CDC42BPA: variants seen among roughly 807,000 people sequenced by gnomAD.
CDC42BPA encodes the protein CDC42 binding protein kinase alpha.
In CDC42BPA, 80 loss-of-function variants were observed where a neutral mutation model predicts 223.5. The observed-to-expected ratio is 0.36, with a 90% CI of 0.30 to 0.43. CDC42BPA has a LOEUF of 0.43. CDC42BPA is among the 20% of genes least tolerant of loss of function. The pLI is 1.00. For synonymous variants in CDC42BPA, 694 were observed against 718.6 expected, an observed-to-expected ratio of 0.97 and a Z score of 0.55; for missense variants, 1,743 against 2,099.9, an observed-to-expected ratio of 0.83 and a Z score of 3.32.
chr1:227,054,597 T>C (rs1674194830), intron 21 of CDC42BPA, among the ~76,000 whole-genome samples: 1 of 152,084 alleles, frequency 6.6e-6, no homozygotes, highest in African/African-American at 2.4e-5. Flanking sequence ...AAAGGAAAAA[T>C]ACACTATCAA....
At chr1:227,104,992 A>G (rs1444513491) in intron 14 of CDC42BPA, among the ~76,000 whole-genome samples, 1 of 152,196 alleles carries the variant, frequency 6.6e-6, no homozygotes, top group South Asian at 2.1e-4. Flanking sequence ...ACATCACAGC[A>G]TCATATATAA....
chr1:227,288,001 C>T (rs556597364), intron 1 of CDC42BPA, among the ~76,000 whole-genome samples: 6 of 152,254 alleles, frequency 3.9e-5, no homozygotes, highest in South Asian at 4.2e-4. Flanking sequence ...TGGTTTCCTC[C>T]GGCTTTGCTC....
chr1:227,184,192 A>AT (rs988534919), intron 5 of CDC42BPA, among the ~76,000 whole-genome samples: 1 of 152,056 alleles, frequency 6.6e-6, no homozygotes, highest in African/African-American at 2.4e-5. Context: ...CATAATTTTA[A>AT]TTTTAATGAA....
At chr1:227,131,119 TC>T (rs1315297625) in intron 10 of CDC42BPA, among the ~76,000 whole-genome samples, 1 of 151,424 alleles carries the variant, frequency 6.6e-6, no homozygotes, top group African/African-American at 2.4e-5. Flanking sequence ...TTACTACTCT[TC>T]TTATTATTCT....
chr1:227,190,950 G>A (rs1669605376), intron 5 of CDC42BPA, among the ~76,000 whole-genome samples: 1 of 152,130 alleles, frequency 6.6e-6, no homozygotes, highest in Non-Finnish European at 1.5e-5. Context: ...GAGATGTTTA[G>A]ATGTTTAACC....
At chr1:227,221,153 T>C (rs1429293116) in intron 2 of CDC42BPA, among the ~76,000 whole-genome samples, 2 of 152,248 alleles carry the variant, frequency 1.3e-5, no homozygotes, top group Non-Finnish European at 2.9e-5. Context: ...CTTTACCCTT[T>C]CTTCATTACT....
intron 2 of CDC42BPA, among the ~76,000 whole-genome samples, chr1:227,253,747 G>A (rs1304068786): frequency 1.3e-5 from 2 of 152,000 alleles, no homozygotes; most frequent in Non-Finnish European, 2.9e-5. Flanking sequence ...CAGGTATCAA[G>A]ATTCCTTATA....
intron 5 of CDC42BPA, among the ~76,000 whole-genome samples, chr1:227,163,076 GTA>G (rs1352123822): frequency 7.5e-5 from 9 of 119,552 alleles, no homozygotes; most frequent in Admixed American, 4.1e-4. Flanking sequence ...ATAAATGTGT[GTA>G]TGTTTCCAAA....
At position 227,199,067 on chromosome 1, in the gene CDC42BPA, G is replaced by T. The variant is rs995180970; in HGVS notation, c.450+490C>A. On this transcript the variant is annotated intron_variant, in intron 4 of 36. Coordinates refer to ENST00000366766, the MANE Select transcript of CDC42BPA (RefSeq NM_001394014.1). ...CCGGCCTATTTAAATGTTTCTTAAA[G>T]TTGTATCAAAAAAAATCAGAGATAC... Among the ~76,000 whole-genome samples the T allele has an allele frequency of 3.3e-5, 5 of 152,160 alleles. No individual in the cohort carries two copies. In the East Asian group the frequency reaches 9.6e-4, roughly 29 times the overall value.
At chr1:227,300,852 T>C (rs1376337925) in intron 1 of CDC42BPA, among the ~76,000 whole-genome samples, 2 of 152,198 alleles carry the variant, frequency 1.3e-5, no homozygotes, top group Non-Finnish European at 2.9e-5. Flanking sequence ...ACGGCATTTC[T>C]TTGCATTTAC....
intron 35 of CDC42BPA, among the ~76,000 whole-genome samples, chr1:226,997,702 TTA>T: frequency 6.6e-6 from 1 of 152,208 alleles, no homozygotes; most frequent in East Asian, 1.9e-4. Context: ...CTTCATTTCG[TTA>T]TTTACCCAGT....
chr1:227,314,098 C>T lies in CDC42BPA; in HGVS notation c.178+2907G>A, dbSNP rs148402271. Among the ~76,000 whole-genome samples, 122 of 152,162 alleles carry T rather than the reference C, an allele frequency of 8.0e-4. No individual in the cohort carries two copies. In the East Asian group the frequency reaches 0.022, roughly 27 times the overall value. On this transcript the variant is annotated intron_variant, in intron 1 of 36. Coordinates refer to ENST00000366766, the MANE Select transcript of CDC42BPA (RefSeq NM_001394014.1). Reference sequence around the variant, plus strand: ...GGTGGCCGATTTAACGAATGATATACTAATTCAGTCATTACTAGCAAATTA... The same window carrying T: ...GGTGGCCGATTTAACGAATGATATATTAATTCAGTCATTACTAGCAAATTA...
intron 12 of CDC42BPA, 121 bp downstream of exon 12, chr1:227,119,683 A>G (rs1026716340): frequency 3.2e-5 from 21 of 660,420 alleles, no homozygotes; most frequent in Non-Finnish European, 4.4e-5. Context: ...TTTTAGACCA[A>G]CTTTTAAGAA....
intron 1 of CDC42BPA, among the ~76,000 whole-genome samples, chr1:227,271,074 C>T (rs931601889): frequency 2.0e-5 from 3 of 152,000 alleles, no homozygotes; most frequent in African/African-American, 7.2e-5. Context: ...CTGTTTGAGT[C>T]CCTCAATGGG....
chr1:227,082,671 CG>C (rs534937839), intron 16 of CDC42BPA, among the ~76,000 whole-genome samples: 27 of 134,050 alleles, frequency 2.0e-4, no homozygotes, highest in Non-Finnish European at 9.2e-5. Flanking sequence ...GCTGAGATTG[CG>C]TCACTGCACT....
chr1:227,198,665 C>CT (rs1245151601), intron 4 of CDC42BPA, among the ~76,000 whole-genome samples: 7 of 151,986 alleles, frequency 4.6e-5, no homozygotes, highest in African/African-American at 1.7e-4. Flanking sequence ...TTGCATAAAC[C>CT]TTTATTTTTT....
chr1:227,042,140 A>C (rs1450703628), intron 23 of CDC42BPA, among the ~76,000 whole-genome samples: 1 of 152,180 alleles, frequency 6.6e-6, no homozygotes. Context: ...AATACAAAGA[A>C]GGAAAAATTA....
chr1:226,990,028 TAAAAAGTTCCCTA>T lies in CDC42BPA; in HGVS notation c.*4227_*4239del, dbSNP rs1222047362. On this transcript the variant is annotated 3_prime_UTR_variant, in exon 37 of 37. Coordinates refer to ENST00000366766, the MANE Select transcript of CDC42BPA (RefSeq NM_001394014.1). ...CATTGTTTGGTAGCAGAGGATCTCT[TAAAAAGTTCCCTA>T]AGACACTGAGGGCATAAAACCAAAC... 2 of 150,418 alleles carry T rather than the reference TAAAAAGTTCCCTA, an allele frequency of 1.3e-5. No individual in the cohort carries two copies. The highest frequency in any genetic ancestry group is 3.0e-5 in the Non-Finnish European group (2 of 66,660). The allele number at this position is 150,418 out of a possible 1,614,324, so 9.3% of individuals were successfully genotyped here.
chr1:227,101,148 A>AAAAG lies in CDC42BPA; in HGVS notation c.2092_2093insCTTT (p.Ile698ThrfsTer5). 6.3e-7 allele frequency: 1 copy of AAAAG among 1,583,454 alleles called. No homozygotes were observed. The highest frequency in any genetic ancestry group is 8.7e-7 in the Non-Finnish European group (1 of 1,153,084). On this transcript the variant is annotated frameshift_variant, in exon 15 of 37. Coordinates refer to ENST00000366766, the MANE Select transcript of CDC42BPA (RefSeq NM_001394014.1). LOFTEE classifies it high-confidence loss of function. ...TTTAGATAATTCTTCTTCATAAAAG[A>AAAAG]TACTTTTCTTTTCCAAATCAGTCTT...
Sources: gnomAD v4.1 joint callset for allele counts (sites outside exome capture counted in the v4.1 genomes callset) on GRCh38, gnomAD v4.1.1 for gene constraint, MANE v1.5 for transcripts, NCBI Gene and HGNC (gene_info 2026-07-23, HGNC 2026-07-21) for gene names.